Variants in NUP93 observed in about 807,000 individuals in gnomAD.
NUP93 encodes nucleoporin 93.
In NUP93, 55 loss-of-function variants were observed where a neutral mutation model predicts 107.8. That is an observed-to-expected ratio of 0.51 (90% confidence interval 0.41 to 0.64). NUP93 has a LOEUF of 0.64. Among genes scored for constraint, NUP93 ranks in the 30% least tolerant of loss-of-function variants. The probability of loss-of-function intolerance (pLI) is 0.00; values close to 1 mark genes in which losing one functional copy is unlikely to be tolerated. For missense variants in NUP93, 937 were observed against 1,044.7 expected, an observed-to-expected ratio of 0.90 and a Z score of 1.42; for synonymous variants, 390 against 397.5, an observed-to-expected ratio of 0.98 and a Z score of 0.22.
At chr16:56,738,547 AATG>A (rs1961648599) in intron 1 of NUP93, among the ~76,000 whole-genome samples, 1 of 152,198 alleles carries the variant, frequency 6.6e-6, no homozygotes, top group Admixed American at 6.5e-5. Flanking sequence ...CCTTTTGAAT[AATG>A]ATAAGGTCTC....
intron 2 of NUP93, among the ~76,000 whole-genome samples, chr16:56,750,699 T>C (rs1961902775): frequency 6.6e-6 from 1 of 152,224 alleles, no homozygotes; most frequent in African/African-American, 2.4e-5. Context: ...TTGTATTGTC[T>C]GTGCTGCTTT....
chr16:56,743,113 G>A lies in NUP93; in HGVS notation c.-14-5121G>A, dbSNP rs183547886. 1.8e-4 allele frequency among the ~76,000 whole-genome samples: 27 copies of A among 152,212 alleles called. No homozygotes were observed. The East Asian group carries it at 3.9e-3, about 22-fold the overall frequency. ...TTTAGGTATCTACTCTTTCTAGCTC[G>A]ATTAAATATTTAACATAGTTATTAT... On this transcript the variant is annotated intron_variant, in intron 1 of 21. Coordinates refer to ENST00000308159, the MANE Select transcript of NUP93 (RefSeq NM_014669.5).
chr16:56,763,869 A>C (rs1180091701), intron 3 of NUP93, among the ~76,000 whole-genome samples: 1 of 152,192 alleles, frequency 6.6e-6, no homozygotes, highest in African/African-American at 2.4e-5. Context: ...AGAAAAAAAA[A>C]AGACTCTGTT....
At chr16:56,744,994 G>T (rs189723755) in intron 1 of NUP93, among the ~76,000 whole-genome samples, 114 of 152,294 alleles carry the variant, frequency 7.5e-4, no homozygotes, top group Middle Eastern at 3.4e-3. Flanking sequence ...CCTGCTATGT[G>T]CCAGGCACTG....
chr16:56,829,631 G>C (rs190837681), intron 9 of NUP93, among the ~76,000 whole-genome samples: 1 of 152,302 alleles, frequency 6.6e-6, no homozygotes, highest in Admixed American at 6.5e-5. Flanking sequence ...TAAAGAATAG[G>C]AGTTCACCAA....
intron 9 of NUP93, 105 bp downstream of exon 9, chr16:56,829,214 A>C (rs1963730712): frequency 3.0e-6 from 4 of 1,348,714 alleles, no homozygotes; most frequent in Non-Finnish European, 3.0e-6. Flanking sequence ...TACTGTGTGG[A>C]GATGGGACCA....
At chr16:56,734,916 C>G (rs1181683838) in intron 1 of NUP93, among the ~76,000 whole-genome samples, 2 of 152,150 alleles carry the variant, frequency 1.3e-5, no homozygotes, top group East Asian at 3.8e-4. Context: ...ACCCTACTGT[C>G]TGTGCCCATC....
Position 56,834,451 on chromosome 16 carries a change from G to A in NUP93, c.1737+9G>A, listed in dbSNP as rs1178535861. The A allele has an allele frequency of 6.2e-7, 1 of 1,613,688 alleles. No homozygotes were observed. The highest frequency in any genetic ancestry group is 8.5e-7 in the Non-Finnish European group (1 of 1,179,730). On this transcript the variant is annotated intron_variant, in intron 15 of 21. Transcript: ENST00000308159. ...TGATTGAAAGCCGAGAGGTGAGTGG[G>A]TTTCCTTTTCTCTCCTCCCCATGGT...
chr16:56,757,403 A>G (rs1374698921), intron 2 of NUP93, among the ~76,000 whole-genome samples: 2 of 152,066 alleles, frequency 1.3e-5, no homozygotes, highest in African/African-American at 2.4e-5. Context: ...TCGCTTGGCC[A>G]GGAGTTTGAG....
Position 56,828,997 on chromosome 16 carries a change from T to C in NUP93, c.815T>C (p.Val272Ala), listed in dbSNP as rs1399550429. ...LEQSYKNYTL[V>A]TVFGNLHQAQ... ...TCCAGTTATAAGAATTACACCCTTG[T>C]GACTGTCTTTGGAAATTTGCATCAG... Residue 272 changes from valine (V) to alanine (A), a missense_variant, in exon 9 of 22, where the codon GTG (valine) becomes GCG (alanine). Val to Ala is a moderately conservative substitution (Grantham distance 64). Transcript: ENST00000308159. The C allele has an allele frequency of 2.5e-6, 4 of 1,613,590 alleles. No homozygotes were observed. The highest frequency in any genetic ancestry group is 1.7e-5 in the Admixed American group (1 of 59,878).
At chr16:56,751,994 C>T (rs1961928931) in intron 2 of NUP93, among the ~76,000 whole-genome samples, 1 of 152,228 alleles carries the variant, frequency 6.6e-6, no homozygotes, top group South Asian at 2.1e-4. Context: ...ATTGCATAAG[C>T]CGTACACTGC....
At chr16:56,735,439 T>C (rs1056030817) in intron 1 of NUP93, among the ~76,000 whole-genome samples, 2 of 152,178 alleles carry the variant, frequency 1.3e-5, no homozygotes, top group Non-Finnish European at 2.9e-5. Flanking sequence ...AAGTGACTGG[T>C]ACACAAGGTT....
At chr16:56,841,430 G>A (rs1489254032) in intron 20 of NUP93, among the ~76,000 whole-genome samples, 2 of 152,238 alleles carry the variant, frequency 1.3e-5, no homozygotes, top group African/African-American at 4.8e-5. Context: ...CCAGATGTCA[G>A]CATGCTTTTG....
chr16:56,799,153 T>G (rs755431158), intron 4 of NUP93, among the ~76,000 whole-genome samples: 6 of 152,216 alleles, frequency 3.9e-5, no homozygotes, highest in Non-Finnish European at 7.3e-5. Context: ...TTTTGGTTTC[T>G]ACTGAATCAG....
rs1425765612 is a variant in NUP93, at chr16:56,849,723, G to C, written c.*5114G>C. ...TGTAAGTATGTCCCAGTTCTATGTG[G>C]CTGCCCTACCTGGGCTTGCCTCTGC... On this transcript the variant is annotated 3_prime_UTR_variant, in exon 22 of 22. Transcript: ENST00000308159. The C allele has an allele frequency of 6.6e-6, 1 of 152,246 alleles. No homozygotes were observed. The highest frequency in any genetic ancestry group is 2.1e-4 in the South Asian group (1 of 4,834). The allele number at this position is 152,246 out of a possible 1,614,324, so 9.4% of individuals were successfully genotyped here. A position where few individuals can be genotyped will look rare whatever the true frequency, so the allele number is the denominator to read the frequency against.
intron 20 of NUP93, among the ~76,000 whole-genome samples, chr16:56,841,143 C>A (rs1349513488): frequency 6.6e-6 from 1 of 152,038 alleles, no homozygotes; most frequent in African/African-American, 2.4e-5. Context: ...TGGCTTCTAC[C>A]CTTAGCCACT....
intron 3 of NUP93, among the ~76,000 whole-genome samples, chr16:56,767,246 A>G (rs1308390521): frequency 2.0e-5 from 3 of 152,258 alleles, no homozygotes; most frequent in Non-Finnish European, 4.4e-5. Context: ...TGCCATCAGC[A>G]AAATCCTGCC....
intron 3 of NUP93, among the ~76,000 whole-genome samples, chr16:56,774,739 A>C (rs1156695198): frequency 1.3e-5 from 2 of 152,162 alleles, no homozygotes; most frequent in Non-Finnish European, 2.9e-5. Context: ...TCGCAGATGA[A>C]GAAACTGAGG....
intron 5 of NUP93, among the ~76,000 whole-genome samples, chr16:56,818,290 C>T (rs1216897832): frequency 6.6e-6 from 1 of 152,150 alleles, no homozygotes; most frequent in African/African-American, 2.4e-5. Context: ...AAGAGGCCCA[C>T]TGATAAAAAT....
Sources: gnomAD v4.1 joint callset for allele counts (sites outside exome capture counted in the v4.1 genomes callset) on GRCh38, gnomAD v4.1.1 for gene constraint, MANE v1.5 for transcripts, NCBI Gene and HGNC (gene_info 2026-07-23, HGNC 2026-07-21) for gene names.